Variants in ZNF469 observed in about 807,000 individuals in gnomAD.
ZNF469 encodes zinc finger protein 469.
In ZNF469, 1 loss-of-function variant was observed where a neutral mutation model predicts 1.0. The ratio of observed to expected loss-of-function variants is 1.00; its 90% confidence interval spans 0.35 to 4.73. The LOEUF (loss-of-function observed/expected upper bound fraction) is 4.73, where lower values mean the gene tolerates loss of function less well. Ranked by LOEUF, ZNF469 falls within the 30% of genes most tolerant of loss-of-function variation. The pLI is 0.16. For synonymous variants in ZNF469, 2,703 were observed against 2,363.4 expected, an observed-to-expected ratio of 1.14 and a Z score of -4.17; for missense variants, 6,100 against 5,356.3, an observed-to-expected ratio of 1.14 and a Z score of -4.33.
the ZNF469 span, among the ~76,000 whole-genome samples, chr16:88,280,374 G>T: frequency 1.3e-5 from 2 of 151,976 alleles, no homozygotes; most frequent in Non-Finnish European, 2.9e-5. Context: ...TGATGTTGGT[G>T]CACAGATCAG....
At chr16:88,189,710 A>C in the ZNF469 span, among the ~76,000 whole-genome samples, 1 of 152,230 alleles carries the variant, frequency 6.6e-6, no homozygotes, top group Admixed American at 6.5e-5. The surrounding 1 kb of genome is among the most constrained non-coding windows in gnomAD (Gnocchi z 4.3). Flanking sequence ...ACCTGAGGTC[A>C]GGAGTTGGAG....
At chr16:88,388,411 A>C (rs918659756) in intron 1 of ZNF469, among the ~76,000 whole-genome samples, 1 of 152,250 alleles carries the variant, frequency 6.6e-6, no homozygotes, top group Non-Finnish European at 1.5e-5. Context: ...CCGGCCGGGC[A>C]CGGCAGCCGC....
the ZNF469 span, among the ~76,000 whole-genome samples, chr16:88,191,321 T>A: frequency 6.6e-6 from 1 of 152,108 alleles, no homozygotes; most frequent in African/African-American, 2.4e-5. Context: ...GCCACGGAGC[T>A]CTCGGAATGC....
At chr16:88,353,096 C>T in the ZNF469 span, among the ~76,000 whole-genome samples, 2 of 152,154 alleles carry the variant, frequency 1.3e-5, no homozygotes, top group East Asian at 3.9e-4. Context: ...AGGAGGGAAA[C>T]CCTTAGGTGG....
intron 1 of ZNF469, among the ~76,000 whole-genome samples, chr16:88,422,971 TAATG>T (rs1905541342): frequency 7.7e-6 from 1 of 129,266 alleles, no homozygotes; most frequent in Non-Finnish European, 1.6e-5. Flanking sequence ...ATGGATGGAT[TAATG>T]GATGGATGGA....
intron 1 of ZNF469, among the ~76,000 whole-genome samples, chr16:88,396,065 C>T (rs1026532022): frequency 6.6e-6 from 1 of 152,254 alleles, no homozygotes; most frequent in Non-Finnish European, 1.5e-5. Context: ...ATCCACTCCA[C>T]GTCCCTTCTC....
At chr16:88,276,867 C>T in the ZNF469 span, among the ~76,000 whole-genome samples, 6 of 152,156 alleles carry the variant, frequency 3.9e-5, no homozygotes, top group African/African-American at 7.2e-5. Flanking sequence ...TGCTGTGCCA[C>T]GCTGACGCTC....
the ZNF469 span, among the ~76,000 whole-genome samples, chr16:88,175,870 CACTGGTCCTTTTA>C: frequency 2.1e-4 from 32 of 152,202 alleles, no homozygotes; most frequent in African/African-American, 7.7e-4. Context: ...AAATCCGTTT[CACTGGTCCTTTTA>C]ATTCTGGAGT....
the ZNF469 span, among the ~76,000 whole-genome samples, chr16:88,187,393 C>A: frequency 2.6e-5 from 4 of 152,338 alleles, no homozygotes; most frequent in East Asian, 7.7e-4. Flanking sequence ...GATAAAAATG[C>A]AGATGAAATT....
At chr16:88,348,674 G>C in the ZNF469 span, among the ~76,000 whole-genome samples, 1 of 152,224 alleles carries the variant, frequency 6.6e-6, no homozygotes, top group South Asian at 2.1e-4. Context: ...CCCCTGCCGT[G>C]AGACGTGGGG....
At chr16:88,400,701 G>A (rs1006132743) in intron 1 of ZNF469, among the ~76,000 whole-genome samples, 1 of 150,716 alleles carries the variant, frequency 6.6e-6, no homozygotes, top group African/African-American at 2.5e-5. Flanking sequence ...CCATTCCAGA[G>A]GCTGAGGGCA....
At chr16:88,243,713 A>AG in the ZNF469 span, among the ~76,000 whole-genome samples, 1 of 148,086 alleles carries the variant, frequency 6.8e-6, no homozygotes, top group African/African-American at 2.5e-5. Flanking sequence ...ATGGATGGAT[A>AG]AATGGGTGGA....
intron 1 of ZNF469, among the ~76,000 whole-genome samples, chr16:88,410,588 C>T (rs562038514): frequency 4.1e-5 from 6 of 146,416 alleles, no homozygotes; most frequent in African/African-American, 1.0e-4. Context: ...GTGCAGGTCA[C>T]GTGATCATGG....
Position 88,432,616 on chromosome 16 carries a change from C to G in ZNF469, c.5146C>G (p.Pro1716Ala), listed in dbSNP as rs1295739660. The change falls in exon 3 of 3, where the codon CCC becomes GCC. Residue 1716 changes from proline (P) to alanine (A), a missense_variant. By Grantham distance (27) the Pro-to-Ala change is conservative. Coordinates refer to ENST00000565624, the MANE Select transcript of ZNF469 (RefSeq NM_001367624.2). The stretch of plus-strand genomic sequence containing the variant: ...TTGCCAGGCAGAAGGAGACAGCAGG[C>G]CCCCCCAAGATGTCTGCCTGCCTGA... Reference protein sequence around the residue: ...GLCQAEGDSRPPQDVCLPEPS... With the variant: ...GLCQAEGDSRAPQDVCLPEPS... 3 of 1,550,226 alleles carry G rather than the reference C, an allele frequency of 1.9e-6. No individual in the cohort carries two copies. Among genetic ancestry groups the G allele is most frequent in the Admixed American group, 3.9e-5 (2 of 50,980 alleles).
chr16:88,110,546 T>A, the ZNF469 span, among the ~76,000 whole-genome samples: 1 of 152,196 alleles, frequency 6.6e-6, no homozygotes, highest in South Asian at 2.1e-4. Flanking sequence ...GTGAGCAGCT[T>A]CCCCAGCCCT....
At chr16:88,147,515 A>G in the ZNF469 span, among the ~76,000 whole-genome samples, 2 of 152,006 alleles carry the variant, frequency 1.3e-5, no homozygotes, top group Non-Finnish European at 2.9e-5. Flanking sequence ...GGTGGGAGCC[A>G]GGAGAGATTC....
the ZNF469 span, among the ~76,000 whole-genome samples, chr16:88,216,383 A>G: frequency 6.6e-6 from 1 of 151,746 alleles, no homozygotes; most frequent in Non-Finnish European, 1.5e-5. Flanking sequence ...AGTCCCAGCT[A>G]CTTGGGAGGC....
At chr16:88,173,151 G>C in the ZNF469 span, among the ~76,000 whole-genome samples, 22 of 152,204 alleles carry the variant, frequency 1.4e-4, no homozygotes, top group South Asian at 4.2e-4. Flanking sequence ...TACCAAAAGA[G>C]CCACATCAAG....
intron 2 of ZNF469, among the ~76,000 whole-genome samples, 122 bp from the exon 3 acceptor site, chr16:88,427,223 G>A (rs553178176): frequency 6.6e-6 from 1 of 152,256 alleles, no homozygotes; most frequent in African/African-American, 2.4e-5. Context: ...TTCTGTGATG[G>A]CTGCACGCAG....
Sources: allele counts gnomAD v4.1 joint callset (sites outside exome capture counted in the v4.1 genomes callset), GRCh38; gene constraint gnomAD v4.1.1; non-coding constraint Gnocchi (gnomAD v3.1); transcripts MANE v1.5; gene names NCBI Gene and HGNC (gene_info 2026-07-23, HGNC 2026-07-21).